SLC25A18: variants seen among roughly 807,000 people sequenced by gnomAD.
SLC25A18 encodes mitochondrial glutamate carrier 2.
A neutral mutation model predicts 31.1 loss-of-function variants in SLC25A18; 24 were observed. The ratio of observed to expected loss-of-function variants is 0.77; its 90% CI spans 0.56 to 1.08. The LOEUF (loss-of-function observed/expected upper bound fraction) is 1.08, where lower values mean the gene tolerates loss of function less well. Ranked by LOEUF, SLC25A18 falls within the 50% of genes least tolerant of loss-of-function variation. The probability of loss-of-function intolerance (pLI) is 0.00; values close to 1 mark genes in which losing one functional copy is unlikely to be tolerated. For synonymous variants in SLC25A18, 173 were observed against 161.9 expected, an observed-to-expected ratio of 1.07 and a Z score of -0.52; for missense variants, 371 against 418.5, an observed-to-expected ratio of 0.89 and a Z score of 0.99.
intron 7 of SLC25A18, among the ~76,000 whole-genome samples, chr22:17,584,403 G>T (rs1000893323): frequency 8.5e-6 from 1 of 117,536 alleles, no homozygotes; most frequent in Non-Finnish European, 1.8e-5. Context: ...AAAAAGAAAA[G>T]AAAGAAAGAA....
In SLC25A18 at chr22:17,584,426, G is replaced by GAAAGAAA. The variant is rs59024396; in HGVS notation, c.409+892_409+893insAAAGAAA. 7.8e-3 allele frequency among the ~76,000 whole-genome samples: 745 copies of GAAAGAAA among 96,000 alleles called. 4 individuals are homozygous for GAAAGAAA. Among genetic ancestry groups the GAAAGAAA allele is most frequent in the African/African-American group, 0.031 (714 of 22,854 alleles). The allele number at this position is 96,000 out of a possible 152,430, so 63.0% of individuals were successfully genotyped here. A position where few individuals can be genotyped will look rare whatever the true frequency, so the allele number is the denominator to read the frequency against. On this transcript the variant is annotated intron_variant, in intron 7 of 10. Transcript: ENST00000327451. ...AAGAAAGAAAGAAAGAAAGAAAGAA[G>GAAAGAAA]GAAGGAAGGAAGGAAGGAAGGAGAG...
chr22:17,564,690 A>C (rs758660063), intron 1 of SLC25A18, among the ~76,000 whole-genome samples: 8 of 151,870 alleles, frequency 5.3e-5, no homozygotes, highest in South Asian at 2.1e-4. Context: ...AACCCCATCT[A>C]TACTAAAAAT....
rs2057373204 is a variant in SLC25A18, at chr22:17,581,507, G to A, written c.199+94G>A. The A allele has an allele frequency of 3.7e-6, 5 of 1,344,616 alleles. No homozygotes were observed. The East Asian group carries it at 6.9e-5, about 19-fold the overall frequency. The allele number at this position is 1,344,616 out of a possible 1,614,324, so 83.3% of individuals were successfully genotyped here. On this transcript the variant is annotated intron_variant, in intron 5 of 10. Transcript: ENST00000327451. ...TTCCTTCCGTTGCTGCGGGGATGGG[G>A]CCAGGGCTGCCAGGGGGTCCTTCCT... is the stretch of plus-strand genomic sequence containing the variant.
At chr22:17,580,401 C>T in intron 3 of SLC25A18, 1 of 406,780 alleles carries the variant, frequency 2.5e-6, no homozygotes, top group African/African-American at 2.2e-5. Flanking sequence ...TTCCCGTCTT[C>T]CAAAGCTCCT....
chr22:17,581,835 A>G (rs544467414), intron 5 of SLC25A18: 2 of 183,058 alleles, frequency 1.1e-5, no homozygotes, highest in Admixed American at 1.1e-4. Context: ...CCCAAGCTGG[A>G]GTTGAGCCGG....
Position 17,590,361 on chromosome 22 carries a change from T to C in SLC25A18, c.*125T>C. ...TGGTCCTCTGCGTTGTAGTGCTACC[T>C]CAATCTCGGGAGAAACAGCCCTATA... On this transcript the variant is annotated 3_prime_UTR_variant, in exon 11 of 11. Transcript: ENST00000327451. The C allele has an allele frequency of 8.6e-7, 1 of 1,160,104 alleles. No individual in the cohort carries two copies. The highest frequency in any genetic ancestry group is 1.2e-6 in the Non-Finnish European group (1 of 820,290). 71.9% of individuals were successfully genotyped at this position (1,160,104 alleles called of 1,614,324 possible).
chr22:17,581,808 T>G, intron 5 of SLC25A18: 2 of 197,776 alleles, frequency 1.0e-5, no homozygotes, highest in Non-Finnish European at 1.0e-5. Flanking sequence ...AGCCAGGAGG[T>G]ACCTTGGACA....
At chr22:17,582,730 G>A (rs1416660820) in intron 6 of SLC25A18, 77 bp downstream of exon 6, 4 of 1,322,496 alleles carry the variant, frequency 3.0e-6, no homozygotes, top group Non-Finnish European at 3.2e-6. Context: ...GATTTCAAAT[G>A]TGCCTCAGTA....
chr22:17,571,575 G>A (rs2057088336), intron 2 of SLC25A18, among the ~76,000 whole-genome samples: 1 of 152,016 alleles, frequency 6.6e-6, no homozygotes, highest in African/African-American at 2.4e-5. Flanking sequence ...ACGAGTTCAA[G>A]ACCAGCCTGG....
At chr22:17,580,801 C>T in intron 3 of SLC25A18, 1 of 1,285,162 alleles carries the variant, frequency 7.8e-7, no homozygotes, top group Non-Finnish European at 9.8e-7. Flanking sequence ...CTCCCAGAAG[C>T]CCCTGCAGGT....
At chr22:17,584,491 G>GAA (rs2057481435) in intron 7 of SLC25A18, among the ~76,000 whole-genome samples, 1 of 143,104 alleles carries the variant, frequency 7.0e-6, no homozygotes, top group East Asian at 2.2e-4. Context: ...AAGAAAGAAA[G>GAA]AAATGCCGCC....
intron 5 of SLC25A18, 106 bp downstream of exon 5, chr22:17,581,519 A>C: frequency 1.6e-6 from 2 of 1,290,240 alleles, no homozygotes; most frequent in Non-Finnish European, 2.2e-6. Context: ...CAGGGCTGCC[A>C]GGGGGTCCTT....
At chr22:17,583,943 C>CA (rs113029966) in intron 7 of SLC25A18, 18,821 of 435,236 alleles carry the variant, frequency 0.043, 1 homozygote, top group Non-Finnish European at 0.051. Flanking sequence ...GACTCTGTCT[C>CA]AAAAAAAAAA....
At chr22:17,581,661 C>A in intron 5 of SLC25A18, 1 of 527,184 alleles carries the variant, frequency 1.9e-6, no homozygotes, top group Non-Finnish European at 3.4e-6. Flanking sequence ...TACCTGCCTG[C>A]CTCTCTCTGC....
rs536651589 is a variant in SLC25A18, at chr22:17,581,562, A to G, written c.199+149A>G. The G allele has an allele frequency of 1.5e-4, 123 of 833,812 alleles. No individual in the cohort carries two copies. In the African/African-American group the frequency reaches 1.8e-3, roughly 12 times the overall value. 51.7% of individuals were successfully genotyped at this position (833,812 alleles called of 1,614,324 possible). ...AGCCTCTGTGCTCTTGGGTGGAGAC[A>G]GAGGCAGCTCTGGGTCCTGGTAAGG... On this transcript the variant is annotated intron_variant, in intron 5 of 10. Coordinates refer to ENST00000327451, the MANE Select transcript of SLC25A18 (RefSeq NM_031481.3).
At chr22:17,584,781 C>CAAAAAAAAA (rs66948770) in intron 7 of SLC25A18, among the ~76,000 whole-genome samples, 22 of 20,068 alleles carry the variant, frequency 1.1e-3, no homozygotes, top group African/African-American at 1.5e-3. Flanking sequence ...GAATTCATCT[C>CAAAAAAAAA]AAAAAAAAAA....
At chr22:17,566,627 G>C (rs555054780) in intron 1 of SLC25A18, among the ~76,000 whole-genome samples, 218 of 152,182 alleles carry the variant, frequency 1.4e-3, no homozygotes, top group Non-Finnish European at 1.3e-3. Context: ...GGTCAGGCTG[G>C]TCTCGAACTC....
intron 2 of SLC25A18, among the ~76,000 whole-genome samples, chr22:17,578,004 G>T (rs1407217013): frequency 6.9e-6 from 1 of 145,756 alleles, no homozygotes; most frequent in Non-Finnish European, 1.5e-5. Context: ...TCTTTGGGGG[G>T]CATAGGGTTT....
chr22:17,583,256 G>A (rs187368088), intron 6 of SLC25A18, among the ~76,000 whole-genome samples, 160 bp from the exon 7 acceptor site: 6 of 152,258 alleles, frequency 3.9e-5, no homozygotes, highest in Non-Finnish European at 8.8e-5. Flanking sequence ...TCCCCTGTCC[G>A]TACAGAGACC....
Sources: gnomAD v4.1 joint callset for allele counts (sites outside exome capture counted in the v4.1 genomes callset) on GRCh38, gnomAD v4.1.1 for gene constraint, MANE v1.5 for transcripts, NCBI Gene and HGNC (gene_info 2026-07-23, HGNC 2026-07-21) for gene names.